The following MACF1 variants were observed in gnomAD, a reference collection of about 807,000 sequenced individuals.
MACF1 encodes the protein microtubule actin crosslinking factor 1.
Under a neutral mutation model 854.8 loss-of-function variants are expected in MACF1, and 193 were observed. That is an observed-to-expected ratio of 0.23 (90% confidence interval 0.20 to 0.25). MACF1 has a LOEUF of 0.25. Ranked by LOEUF, MACF1 falls within the 10% of genes least tolerant of loss-of-function variation. MACF1 has a pLI of 1.00. For missense variants in MACF1, 7,722 were observed against 8,929.1 expected, an observed-to-expected ratio of 0.86 and a Z score of 5.45; for synonymous variants, 3,185 against 3,226.7, an observed-to-expected ratio of 0.99 and a Z score of 0.44.
chr1:39,400,536 C>G (rs1642437590), intron 58 of MACF1, among the ~76,000 whole-genome samples: 1 of 150,532 alleles, frequency 6.6e-6, no homozygotes, highest in Non-Finnish European at 1.5e-5. Flanking sequence ...GACAGGGTCT[C>G]ACTTTGTCAA....
In MACF1 at chr1:39,460,503, A is replaced by G. The variant is rs369448649; in HGVS notation, c.21361-129A>G. The G allele has an allele frequency of 2.2e-5, 17 of 762,970 alleles. 1 individual carries two copies. The highest frequency in any genetic ancestry group is 3.7e-5 in the Non-Finnish European group (17 of 459,226). The allele number at this position is 762,970 out of a possible 1,614,324, so 47.3% of individuals were successfully genotyped here. A position where few individuals can be genotyped will look rare whatever the true frequency, so the allele number is the denominator to read the frequency against. On this transcript the variant is annotated intron_variant, in intron 91 of 100. Coordinates refer to ENST00000564288, the MANE Select transcript of MACF1 (RefSeq NM_001394062.1). The surrounding 1 kb of genome is among the most constrained non-coding windows in gnomAD (Gnocchi z 4.1). ...TTGTGCCTTCACAAAAGAAGCAAAC[A>G]CATAGATTTCATTGTTGATGGCCCC... is the stretch of plus-strand genomic sequence containing the variant.
At chr1:39,194,544 G>C (rs1309669598) in intron 2 of MACF1, among the ~76,000 whole-genome samples, 1 of 150,308 alleles carries the variant, frequency 6.7e-6, no homozygotes, top group African/African-American at 2.5e-5. Context: ...AGTAGAGACG[G>C]GTGGCCAGGC....
rs1291693780 is a variant in MACF1, at chr1:39,441,260, A to G, written c.18607A>G (p.Lys6203Glu). The G allele has an allele frequency of 6.2e-7, 1 of 1,614,184 alleles. No individual in the cohort carries two copies. The highest frequency in any genetic ancestry group is 1.7e-5 in the Admixed American group (1 of 60,030). The change falls in exon 74 of 101, where the codon AAA (lysine) becomes GAA (glutamate). Residue 6203 changes from lysine (K) to glutamate (E), a missense_variant. By Grantham distance (56) the Lys-to-Glu change is moderately conservative. Transcript: ENST00000564288. ...TTGGGAGAACTTAAACAAAACATGG[A>G]AAGAGAGGCTAGAAAAACTTGAGGA... The part of the protein sequence containing the change: ...NAWENLNKTW[K>E]ERLEKLEDAM...
At chr1:39,206,102 A>G (rs1192814429) in intron 1 of MACF1, among the ~76,000 whole-genome samples, 1 of 152,218 alleles carries the variant, frequency 6.6e-6, no homozygotes. Flanking sequence ...CTTTCTATTA[A>G]AAGTTCACAA....
At chr1:39,435,839 T>C (rs773683598) in intron 70 of MACF1, 78 bp downstream of exon 70, 11 of 1,315,612 alleles carry the variant, frequency 8.4e-6, no homozygotes, top group Non-Finnish European at 1.2e-5. Flanking sequence ...GGTATGTCTC[T>C]GTGCTCAGGA....
intron 58 of MACF1, among the ~76,000 whole-genome samples, chr1:39,415,059 G>A (rs761517176): frequency 1.2e-4 from 19 of 152,174 alleles, no homozygotes; most frequent in Admixed American, 9.8e-4. Flanking sequence ...TTTCAAATAG[G>A]TATGTTGGTT....
intron 97 of MACF1, among the ~76,000 whole-genome samples, chr1:39,476,016 C>G (rs1425913538): frequency 6.6e-6 from 1 of 152,162 alleles, no homozygotes; most frequent in Non-Finnish European, 1.5e-5. Context: ...AGTAACCCTC[C>G]ACATGCAAGT....
chr1:39,112,714 C>A (rs1162005032), intron 2 of MACF1, among the ~76,000 whole-genome samples: 1 of 152,076 alleles, frequency 6.6e-6, no homozygotes, highest in African/African-American at 2.4e-5. Context: ...CTAGAAAAGT[C>A]CTGGGATGAG....
At chr1:39,330,204 A>G (rs777311549) in intron 36 of MACF1, among the ~76,000 whole-genome samples, 4 of 152,294 alleles carry the variant, frequency 2.6e-5, no homozygotes, top group South Asian at 2.1e-4. Context: ...AGGGTCCCCA[A>G]TCTGTTTCTT....
At chr1:39,327,450 T>C in intron 36 of MACF1, 97 bp downstream of exon 36, 1 of 1,269,228 alleles carries the variant, frequency 7.9e-7, no homozygotes, top group South Asian at 1.8e-5. Context: ...TAGCTTTCCA[T>C]GACCAATGTG....
intron 40 of MACF1, among the ~76,000 whole-genome samples, chr1:39,345,768 A>G (rs1165396493): frequency 1.3e-5 from 2 of 151,944 alleles, no homozygotes; most frequent in African/African-American, 2.4e-5. Flanking sequence ...ACTTTGCAAA[A>G]CTTTTTTAAA....
At position 39,282,423 on chromosome 1, in the gene MACF1, T is replaced by C. The variant is rs761966596; in HGVS notation, c.695+49T>C. On this transcript the variant is annotated intron_variant, in intron 7 of 100. Transcript: ENST00000564288. ...CTCCTGCAGGGCTTTTTCTCATCTC[T>C]TGTTTGTAATTAGTTATAATACTGT... 1.4e-5 allele frequency: 21 copies of C among 1,550,656 alleles called. No individual in the cohort carries two copies. The East Asian group carries it at 4.5e-4, about 33-fold the overall frequency.
intron 30 of MACF1, 92 bp from the exon 31 acceptor site, chr1:39,319,572 G>A (rs1014936439): frequency 1.2e-6 from 1 of 859,600 alleles, no homozygotes; most frequent in Admixed American, 2.2e-5. Context: ...TGCAGCTAAG[G>A]TTTGGAAACT....
In MACF1 at chr1:39,343,724, G is replaced by T. The variant is rs192457556; in HGVS notation, c.10581+2771G>T. Reference sequence around the variant, plus strand: ...GGCAAATCCATGTGAGTCTGCAGCAGCTCGGTTCTTGCCTCCTCAGGCGAA... The same window carrying T: ...GGCAAATCCATGTGAGTCTGCAGCATCTCGGTTCTTGCCTCCTCAGGCGAA... On this transcript the variant is annotated intron_variant, in intron 40 of 100. Coordinates refer to ENST00000564288, the MANE Select transcript of MACF1 (RefSeq NM_001394062.1). Among the ~76,000 whole-genome samples the T allele has an allele frequency of 4.1e-4, 62 of 152,338 alleles. No individual in the cohort carries two copies. The South Asian group carries it at 5.0e-3, about 12-fold the overall frequency.
In MACF1 at chr1:39,144,013, C is replaced by A. The variant is rs186545526; in HGVS notation, c.220+59575C>A. Among the ~76,000 whole-genome samples the A allele has an allele frequency of 1.4e-3, 214 of 151,334 alleles. 2 individuals are homozygous for A. The highest frequency in any genetic ancestry group is 5.1e-3 in the African/African-American group (212 of 41,208). On this transcript the variant is annotated intron_variant, in intron 2 of 93. Transcript: ENST00000361689. The stretch of plus-strand genomic sequence containing the variant: ...CTGTGTTAGCCAGGATGATCTTGAT[C>A]TCCTGACCTCGTGATCCGCCCGCCT...
chr1:39,177,943 C>T (rs1484595898), intron 2 of MACF1, among the ~76,000 whole-genome samples: 1 of 151,788 alleles, frequency 6.6e-6, no homozygotes, highest in East Asian at 1.9e-4. Context: ...TGGCAATTTC[C>T]AGGAATCTGG....
At chr1:39,386,310 G>A (rs1299261496) in intron 57 of MACF1, among the ~76,000 whole-genome samples, 1 of 151,410 alleles carries the variant, frequency 6.6e-6, no homozygotes, top group East Asian at 1.9e-4. Context: ...ACCCAGGCTG[G>A]AGTACAGTAG....
chr1:39,411,549 C>T (rs766203283), intron 58 of MACF1: 10 of 1,613,666 alleles, frequency 6.2e-6, no homozygotes, highest in Non-Finnish European at 7.6e-6. Context: ...AGGATATTCT[C>T]GGTGAGGTGG....
intron 40 of MACF1, among the ~76,000 whole-genome samples, chr1:39,341,553 C>A (rs1646935924): frequency 2.6e-5 from 4 of 151,480 alleles, no homozygotes; most frequent in Admixed American, 2.6e-4. Context: ...AAAAAATTAG[C>A]CGGGCGGTGT....
Sources: allele counts gnomAD v4.1 joint callset (sites outside exome capture counted in the v4.1 genomes callset), GRCh38; gene constraint gnomAD v4.1.1; non-coding constraint Gnocchi (gnomAD v3.1); transcripts MANE v1.5; gene names NCBI Gene and HGNC (gene_info 2026-07-23, HGNC 2026-07-21).